Variants in KCNH8 observed in about 807,000 individuals in gnomAD.
KCNH8 encodes potassium voltage-gated channel subfamily H member 8, also known as voltage-gated delayed rectifier potassium channel KCNH8.
In KCNH8, 70 loss-of-function variants were observed where a neutral mutation model predicts 103.6. The ratio of observed to expected loss-of-function variants is 0.68; its 90% CI spans 0.56 to 0.82. The LOEUF (loss-of-function observed/expected upper bound fraction) is 0.82, where lower values mean the gene tolerates loss of function less well. Among genes scored for constraint, KCNH8 ranks in the 40% least tolerant of loss-of-function variants. The probability of loss-of-function intolerance (pLI) is 0.00; values close to 1 mark genes in which losing one functional copy is unlikely to be tolerated. For missense variants in KCNH8, 1,217 were observed against 1,329.9 expected (o/e 0.92, Z 1.32); for synonymous variants, 498 against 489.4 (o/e 1.02, Z -0.23).
chr3:19,155,067 T>C (rs914500364), intron 1 of KCNH8, among the ~76,000 whole-genome samples: 1 of 152,252 alleles, frequency 6.6e-6, no homozygotes, highest in Non-Finnish European at 1.5e-5. Context: ...CTGGAAGATA[T>C]GTTTTGCTTT....
chr3:19,498,212 T>C (rs75248961), intron 11 of KCNH8, among the ~76,000 whole-genome samples: 5,764 of 152,298 alleles, frequency 0.038, 293 homozygotes, highest in African/African-American at 0.11. Context: ...CTGTTACTTT[T>C]AAATGGAGCA....
chr3:19,181,626 A>C (rs2063454042), intron 1 of KCNH8, among the ~76,000 whole-genome samples: 1 of 152,206 alleles, frequency 6.6e-6, no homozygotes. Flanking sequence ...ATAAATTGTA[A>C]ATTTCCAAAA....
At chr3:19,473,904 G>T (rs1354007797) in intron 11 of KCNH8, among the ~76,000 whole-genome samples, 1 of 152,142 alleles carries the variant, frequency 6.6e-6, no homozygotes, top group African/African-American at 2.4e-5. Flanking sequence ...GATATGTTAG[G>T]ACTTTTTAAA....
intron 1 of KCNH8, among the ~76,000 whole-genome samples, chr3:19,231,818 T>C (rs1441843408): frequency 1.3e-5 from 2 of 152,232 alleles, no homozygotes; most frequent in African/African-American, 2.4e-5. Flanking sequence ...CACTCTCAGC[T>C]TTCCTTTCAT....
At chr3:19,423,387 A>C (rs1575049570) in intron 7 of KCNH8, among the ~76,000 whole-genome samples, 2 of 152,182 alleles carry the variant, frequency 1.3e-5, no homozygotes, top group East Asian at 3.9e-4. Flanking sequence ...ATCTGTCACC[A>C]AGAAGTGTAC....
chr3:19,187,256 T>C (rs2063511321), intron 1 of KCNH8, among the ~76,000 whole-genome samples: 1 of 151,966 alleles, frequency 6.6e-6, no homozygotes, highest in Non-Finnish European at 1.5e-5. Context: ...ATGAGATTTA[T>C]AGTAATAAGT....
intron 7 of KCNH8, 90 bp downstream of exon 7, chr3:19,395,401 A>C: frequency 1.2e-6 from 1 of 809,578 alleles, no homozygotes; most frequent in Admixed American, 2.8e-5. Flanking sequence ...TAAGTCTATA[A>C]ATATATTTAT....
At chr3:19,365,293 A>G (rs1298925670) in intron 5 of KCNH8, among the ~76,000 whole-genome samples, 4 of 152,032 alleles carry the variant, frequency 2.6e-5, no homozygotes, top group African/African-American at 7.2e-5. Context: ...TTCCAAAACA[A>G]TGTCTGCTTC....
intron 1 of KCNH8, among the ~76,000 whole-genome samples, chr3:19,191,397 G>C (rs1030054237): frequency 6.6e-6 from 1 of 151,688 alleles, no homozygotes. Flanking sequence ...TTATGATTTC[G>C]ATATATCTGA....
intron 1 of KCNH8, among the ~76,000 whole-genome samples, chr3:19,233,405 G>A (rs1016590249): frequency 1.3e-5 from 2 of 152,128 alleles, no homozygotes; most frequent in East Asian, 3.8e-4. Context: ...TAGAACTTAT[G>A]CTTCTGTGCT....
intron 1 of KCNH8, among the ~76,000 whole-genome samples, chr3:19,165,419 T>G (rs542430943): frequency 6.6e-6 from 1 of 152,182 alleles, no homozygotes; most frequent in African/African-American, 2.4e-5. Context: ...ATGAACATAG[T>G]CAAATTAATA....
rs2067427916 is a variant in KCNH8 at position 19,450,319 on chromosome 3, C to A, written c.1575+14C>A. ...GATTCAAATGAGGTAATGTTCATTT[C>A]TCATGTTGTTTTCAGGCAGAAAGCA... is the stretch of plus-strand genomic sequence containing the variant. On this transcript the variant is annotated intron_variant, in intron 9 of 15. Coordinates refer to ENST00000328405, the MANE Select transcript of KCNH8 (RefSeq NM_144633.3). 1.9e-6 allele frequency: 3 copies of A among 1,594,072 alleles called. No homozygotes were observed. Among genetic ancestry groups the A allele is most frequent in the Non-Finnish European group, 2.6e-6 (3 of 1,162,068 alleles).
At chr3:19,440,047 A>G (rs1202963880) in intron 8 of KCNH8, among the ~76,000 whole-genome samples, 1 of 152,114 alleles carries the variant, frequency 6.6e-6, no homozygotes, top group Non-Finnish European at 1.5e-5. Flanking sequence ...AAAGAAACAA[A>G]CTTAAAAAGA....
chr3:19,373,637 T>C (rs896287953), intron 5 of KCNH8, among the ~76,000 whole-genome samples: 4 of 152,080 alleles, frequency 2.6e-5, no homozygotes, highest in African/African-American at 9.7e-5. Flanking sequence ...TAGTTATTTC[T>C]TGCCTTCTGC....
chr3:19,423,208 A>T (rs1012257198), intron 7 of KCNH8, among the ~76,000 whole-genome samples: 3 of 152,012 alleles, frequency 2.0e-5, no homozygotes, highest in African/African-American at 7.2e-5. Context: ...AAATTCCAAG[A>T]GGTTTCTACT....
intron 1 of KCNH8, among the ~76,000 whole-genome samples, chr3:19,175,587 A>G (rs1362094093): frequency 2.0e-5 from 3 of 152,138 alleles, no homozygotes; most frequent in African/African-American, 7.2e-5. Context: ...ATGGCAATGA[A>G]TTTGTCATAT....
rs999271275 is a variant in KCNH8 at position 19,535,247 on chromosome 3, T to C, written c.*1148T>C. 4 of 152,366 alleles carry C rather than the reference T, an allele frequency of 2.6e-5. No individual in the cohort carries two copies. The highest frequency in any genetic ancestry group is 1.3e-4 in the Admixed American group (2 of 15,302). The allele number at this position is 152,366 out of a possible 1,614,324, so 9.4% of individuals were successfully genotyped here. A position where few individuals can be genotyped will look rare whatever the true frequency, so the allele number is the denominator to read the frequency against. On this transcript the variant is annotated 3_prime_UTR_variant, in exon 16 of 16. Transcript: ENST00000328405. ...AATCCCCAAATGGAGCCAAGACTTCTGAGCTATAACTTGTGGGAGTAATAC... is the reference window on the plus strand; with the variant it reads ...AATCCCCAAATGGAGCCAAGACTTCCGAGCTATAACTTGTGGGAGTAATAC...
chr3:19,484,746 G>T (rs539359581), intron 11 of KCNH8, among the ~76,000 whole-genome samples: 2 of 152,300 alleles, frequency 1.3e-5, no homozygotes, highest in South Asian at 4.1e-4. Flanking sequence ...TGGAAAGAAA[G>T]GATGAACTGG....
chr3:19,273,615 G>A (rs907686617), intron 2 of KCNH8, among the ~76,000 whole-genome samples: 1 of 152,172 alleles, frequency 6.6e-6, no homozygotes, highest in African/African-American at 2.4e-5. Context: ...AAGAGAGCAA[G>A]AAGCAAAAAC....
Sources: allele counts gnomAD v4.1 joint callset (sites outside exome capture counted in the v4.1 genomes callset), GRCh38; gene constraint gnomAD v4.1.1; transcripts MANE v1.5; gene names NCBI Gene and HGNC (gene_info 2026-07-23, HGNC 2026-07-21).